The following ZNF653 variants were observed in gnomAD, a reference collection of about 807,000 sequenced individuals.
ZNF653 encodes the protein 67 kDa zinc finger protein.
A neutral mutation model predicts 59.9 loss-of-function variants in ZNF653; 37 were observed. That is an observed-to-expected ratio of 0.62 (90% confidence interval 0.48 to 0.81). ZNF653 has a LOEUF of 0.81. Among genes scored for constraint, ZNF653 ranks in the 40% least tolerant of loss-of-function variants. ZNF653 has a pLI of 0.00. For missense variants in ZNF653, 808 were observed against 881.1 expected, an observed-to-expected ratio of 0.92 and a Z score of 1.05; for synonymous variants, 435 against 371.8, an observed-to-expected ratio of 1.17 and a Z score of -1.96.
In ZNF653 at chr19:11,503,542, C is replaced by T. The variant is rs1971669256; in HGVS notation, c.299+1946G>A. Among the ~76,000 whole-genome samples, 7 of 152,306 alleles carry T rather than the reference C, an allele frequency of 4.6e-5. No homozygotes were observed. The South Asian group carries it at 1.4e-3, about 32-fold the overall frequency. ...AAGCCTTTTGCCAGGTATGGTGGCT[C>T]ATGACTTTAATCCCAGCACTTCGGG... On this transcript the variant is annotated intron_variant, in intron 1 of 8. Coordinates refer to ENST00000293771, the MANE Select transcript of ZNF653 (RefSeq NM_138783.4).
At position 11,487,767 on chromosome 19, in the gene ZNF653, GCCC is replaced by G; in HGVS notation, c.693_695del (p.Gly232del). The G allele has an allele frequency of 6.2e-7, 1 of 1,612,894 alleles. No individual in the cohort carries two copies. The highest frequency in any genetic ancestry group is 8.5e-7 in the Non-Finnish European group (1 of 1,179,784). Reference sequence around the variant, plus strand: ...CCTCCTGAGTGATGAGCCCGCTGCTGCCCACCGGGCTGGTGGGCGTCGCTGCCG... The same window carrying G: ...CCTCCTGAGTGATGAGCCCGCTGCTGACCGGGCTGGTGGGCGTCGCTGCCG... On this transcript the variant is annotated inframe_deletion, in exon 4 of 9. Transcript: ENST00000293771. The surrounding 1 kb of genome is among the most constrained non-coding windows in gnomAD (Gnocchi z 5.1).
At chr19:11,491,872 C>T (rs777682423) in intron 3 of ZNF653, among the ~76,000 whole-genome samples, 2 of 152,020 alleles carry the variant, frequency 1.3e-5, no homozygotes, top group Admixed American at 6.6e-5. Flanking sequence ...CCACCGCACC[C>T]GGCCGGCTTG....
At chr19:11,491,618 C>T (rs978700400) in intron 3 of ZNF653, among the ~76,000 whole-genome samples, 18 of 151,360 alleles carry the variant, frequency 1.2e-4, no homozygotes, top group African/African-American at 3.6e-4. Flanking sequence ...GATGGAGTCT[C>T]GCTCTGTCGC....
intron 7 of ZNF653, among the ~76,000 whole-genome samples, chr19:11,484,450 G>A (rs1021164206): frequency 2.0e-5 from 3 of 152,070 alleles, no homozygotes; most frequent in African/African-American, 7.2e-5. Flanking sequence ...TGCCCAGGCT[G>A]GAGTGCAATG....
intron 1 of ZNF653, among the ~76,000 whole-genome samples, chr19:11,500,993 C>A (rs957068030): frequency 9.2e-5 from 14 of 152,154 alleles, no homozygotes; most frequent in African/African-American, 3.4e-4. Flanking sequence ...TGACTCCCAG[C>A]AGAGGCCACT....
chr19:11,486,010 T>G (rs1184087834), intron 6 of ZNF653, among the ~76,000 whole-genome samples: 1 of 151,978 alleles, frequency 6.6e-6, no homozygotes, highest in Non-Finnish European at 1.5e-5. Flanking sequence ...AGTGCAGTGG[T>G]GTTCTCTCAG....
At chr19:11,494,327 GATAACATAAC>G (rs71166604) in intron 3 of ZNF653, among the ~76,000 whole-genome samples, 8,305 of 139,582 alleles carry the variant, frequency 0.059, 269 homozygotes, top group African/African-American at 0.081. Flanking sequence ...GTCTCAAAAA[GATAACATAAC>G]ATAACATAAC....
chr19:11,484,173 G>C, intron 7 of ZNF653, 32 bp from the exon 8 acceptor site: 4 of 1,503,184 alleles, frequency 2.7e-6, no homozygotes, highest in South Asian at 1.2e-5. Flanking sequence ...GCTGAGGACG[G>C]TGGGCTATGG....
intron 1 of ZNF653, 126 bp downstream of exon 1, chr19:11,505,362 G>C (rs1201804336): frequency 7.7e-6 from 8 of 1,041,772 alleles, no homozygotes; most frequent in South Asian, 4.2e-5. Flanking sequence ...CCAGGCCGCC[G>C]GCCCGGCTCC....
Position 11,483,747 on chromosome 19 carries a change from A to G in ZNF653, c.1783T>C (p.Phe595Leu). The G allele has an allele frequency of 6.2e-7, 1 of 1,613,656 alleles. No homozygotes were observed. Among genetic ancestry groups the G allele is most frequent in the South Asian group, 1.1e-5 (1 of 91,054 alleles). Residue 595 changes from phenylalanine to leucine, a missense_variant, in exon 9 of 9, where the codon TTC becomes CTC. Phe to Leu is a conservative substitution (Grantham distance 22). Transcript: ENST00000293771. ...AACTTGACGCTGTCCAGCTTCTCGA[A>G]GCGCTTCCCGCAGCGATCGCACGTG... The part of the protein sequence containing the change: ...NFTCDRCGKR[F>L]EKLDSVKFHT...
intron 1 of ZNF653, among the ~76,000 whole-genome samples, chr19:11,501,226 T>C (rs1971640831): frequency 1.3e-5 from 2 of 151,500 alleles, no homozygotes; most frequent in East Asian, 1.9e-4. Flanking sequence ...TTGCCCCAGC[T>C]GGAGTGCAGT....
chr19:11,486,353 G>T (rs893249862), intron 6 of ZNF653, among the ~76,000 whole-genome samples: 4 of 152,160 alleles, frequency 2.6e-5, no homozygotes, highest in South Asian at 4.1e-4. Flanking sequence ...CCAATTAATC[G>T]ATGGGGAAAC....
chr19:11,485,181 T>C (rs937697381), intron 7 of ZNF653, among the ~76,000 whole-genome samples: 1 of 151,958 alleles, frequency 6.6e-6, no homozygotes, highest in African/African-American at 2.4e-5. Context: ...CTCTCCACTA[T>C]GTCCCCAGCC....
chr19:11,498,300 C>T lies in ZNF653; in HGVS notation c.339G>A (p.Lys113=), dbSNP rs753443785. Residue 113 remains lysine, a synonymous_variant, in exon 2 of 9, where the codon AAG becomes AAA. Transcript: ENST00000293771. ...WEQVPKKPKR[K]KRRRRNVNCL... is the part of the protein sequence containing the mutation. ...CCAGGCTGAGCCTCCACTTACTTTTCTTCCGCTTTGGCTTTTTGGGGACCT... is the reference window on the plus strand; with the variant it reads ...CCAGGCTGAGCCTCCACTTACTTTTTTTCCGCTTTGGCTTTTTGGGGACCT... The T allele has an allele frequency of 1.2e-6, 2 of 1,614,142 alleles. No individual in the cohort carries two copies. The highest frequency in any genetic ancestry group is 1.1e-5 in the South Asian group (1 of 91,088).
intron 1 of ZNF653, 69 bp downstream of exon 1, chr19:11,505,419 G>A (rs1971705068): frequency 7.4e-7 from 1 of 1,346,418 alleles, no homozygotes; most frequent in Non-Finnish European, 9.5e-7. Flanking sequence ...AAGCGGAGGG[G>A]GCGGGGTAAA....
chr19:11,491,053 A>G (rs1971524839), intron 3 of ZNF653, among the ~76,000 whole-genome samples: 1 of 152,068 alleles, frequency 6.6e-6, no homozygotes, highest in East Asian at 1.9e-4. Flanking sequence ...CGCTTCTCCC[A>G]CTTCCCCTGC....
intron 7 of ZNF653, among the ~76,000 whole-genome samples, chr19:11,484,935 A>G (rs184162185): frequency 1.6e-4 from 25 of 151,546 alleles, no homozygotes; most frequent in Non-Finnish European, 8.8e-5. Context: ...CTGTAATCCC[A>G]GATACTTGGG....
chr19:11,496,287 C>A, intron 2 of ZNF653, 122 bp from the exon 3 acceptor site: 1 of 908,582 alleles, frequency 1.1e-6, no homozygotes, highest in South Asian at 1.6e-5. Context: ...GAGTACCATC[C>A]AGGCCTGTAC....
chr19:11,487,013 G>A lies in ZNF653; in HGVS notation c.1317C>T (p.Ile439=). The A allele has an allele frequency of 6.2e-7, 1 of 1,614,096 alleles. No homozygotes were observed. Residue 439 remains isoleucine (I), a synonymous_variant, in exon 5 of 9, where the codon ATC becomes ATT. Transcript: ENST00000293771. This position sits in a 1 kb window ranked among gnomAD's most constrained non-coding sequence, Gnocchi z 5.1. The part of the protein sequence containing the change: ...ELDGSDMSAI[I]YEIPKEPEKR... ...TCTCAGGCTCCTTGGGGATTTCATA[G>A]ATGATGGCTGACATGTCGCTGCCGT...
Sources: allele counts gnomAD v4.1 joint callset (sites outside exome capture counted in the v4.1 genomes callset), GRCh38; gene constraint gnomAD v4.1.1; non-coding constraint Gnocchi (gnomAD v3.1); transcripts MANE v1.5; gene names NCBI Gene and HGNC (gene_info 2026-07-23, HGNC 2026-07-21).